MCC: variants seen among roughly 807,000 people sequenced by gnomAD.
MCC encodes MCC regulator of Wnt signaling pathway.
A neutral mutation model predicts 116.2 loss-of-function variants in MCC; 90 were observed. The observed-to-expected ratio is 0.77, with a 90% CI of 0.65 to 0.92. The LOEUF is 0.92. Ranked by LOEUF, MCC falls within the 40% of genes least tolerant of loss-of-function variation. The pLI is 0.00. For synonymous variants in MCC, 578 were observed against 510.5 expected, an observed-to-expected ratio of 1.13 and a Z score of -1.78; for missense variants, 1,516 against 1,312.2, an observed-to-expected ratio of 1.16 and a Z score of -2.40.
At chr5:113,376,032 G>A (rs1251750141) in intron 2 of MCC, among the ~76,000 whole-genome samples, 1 of 152,096 alleles carries the variant, frequency 6.6e-6, no homozygotes, top group African/African-American at 2.4e-5. Context: ...GTGTTCTGGT[G>A]TTTTCATTTC....
In MCC at chr5:113,286,253, T is replaced by C. The variant is rs535573564; in HGVS notation, c.627+54266A>G. 5.3e-5 allele frequency among the ~76,000 whole-genome samples: 8 copies of C among 152,326 alleles called. No homozygotes were observed. The East Asian group carries it at 1.5e-3, about 29-fold the overall frequency. ...GACTCTAAGAGTGCTGTGTGTTCTA[T>C]GGACAAGTTCACACAACCCACAGGA... On this transcript the variant is annotated intron_variant, in intron 3 of 18. Transcript: ENST00000408903.
chr5:113,116,310 T>C (rs1757389929), intron 6 of MCC, among the ~76,000 whole-genome samples: 2 of 152,214 alleles, frequency 1.3e-5, no homozygotes, highest in South Asian at 4.1e-4. Flanking sequence ...TTCACAATGA[T>C]GGCTGGGGAT....
At chr5:113,028,033 G>C (rs1750690738) in intron 18 of MCC, among the ~76,000 whole-genome samples, 1 of 152,150 alleles carries the variant, frequency 6.6e-6, no homozygotes, top group Non-Finnish European at 1.5e-5. Flanking sequence ...CCTTTGAACT[G>C]TTCCCACCAG....
chr5:113,289,188 G>C (rs575958196), intron 3 of MCC, among the ~76,000 whole-genome samples: 3 of 151,844 alleles, frequency 2.0e-5, no homozygotes, highest in African/African-American at 4.8e-5. Context: ...AAAATTAGCC[G>C]GGAGTGGTGG....
At position 113,059,192 on chromosome 5, in the gene MCC, T is replaced by C. The variant is rs567704349; in HGVS notation, c.2213+4792A>G. The stretch of plus-strand genomic sequence containing the variant: ...ATCTCAGTCCACAGATCTTACCCTG[T>C]TGGAAGCACAGAGCTTTAAAATGCT... On this transcript the variant is annotated intron_variant, in intron 14 of 18. Transcript: ENST00000408903. Among the ~76,000 whole-genome samples the C allele has an allele frequency of 7.9e-5, 12 of 152,076 alleles. No homozygotes were observed. The South Asian group carries it at 2.3e-3, about 29-fold the overall frequency.
chr5:113,385,922 A>T (rs1431760120), intron 1 of MCC, among the ~76,000 whole-genome samples: 1 of 152,194 alleles, frequency 6.6e-6, no homozygotes, highest in Non-Finnish European at 1.5e-5. Flanking sequence ...TGGCTGGACT[A>T]GAGAAGTGTA....
At position 113,129,339 on chromosome 5, in the gene MCC, A is replaced by G. The variant is rs568366746; in HGVS notation, c.885-6513T>C. 1.1e-4 allele frequency among the ~76,000 whole-genome samples: 16 copies of G among 152,356 alleles called. No homozygotes were observed. The South Asian group carries it at 3.3e-3, about 32-fold the overall frequency. On this transcript the variant is annotated intron_variant, in intron 5 of 18. Coordinates refer to ENST00000408903, the MANE Select transcript of MCC (RefSeq NM_001085377.2). ...GGTCAAATGCCATAGAAAGAGACCA[A>G]TGACAAAAAAAGTCACTGGATTTTT... is the stretch of plus-strand genomic sequence containing the variant.
intron 6 of MCC, among the ~76,000 whole-genome samples, chr5:113,109,744 T>C (rs974064977): frequency 3.9e-5 from 6 of 152,090 alleles, no homozygotes; most frequent in African/African-American, 1.2e-4. Context: ...CCTTCAAGAA[T>C]GGCAGCACAT....
In MCC at chr5:113,027,150, G is replaced by A. The variant is rs1319434985; in HGVS notation, c.*152C>T. Reference sequence around the variant, plus strand: ...ATGTCACCATGGCCAGTCGCCCCAAGGGTTGAGTTGGGGCACTCCATTGTC... The same window carrying A: ...ATGTCACCATGGCCAGTCGCCCCAAAGGTTGAGTTGGGGCACTCCATTGTC... On this transcript the variant is annotated 3_prime_UTR_variant, in exon 19 of 19. Coordinates refer to ENST00000408903, the MANE Select transcript of MCC (RefSeq NM_001085377.2). 16 of 714,780 alleles carry A rather than the reference G, an allele frequency of 2.2e-5. No homozygotes were observed. The highest frequency in any genetic ancestry group is 3.4e-5 in the Non-Finnish European group (15 of 437,954). The allele number at this position is 714,780 out of a possible 1,614,324, so 44.3% of individuals were successfully genotyped here.
At chr5:113,334,067 A>C (rs1767812628) in intron 3 of MCC, among the ~76,000 whole-genome samples, 1 of 147,590 alleles carries the variant, frequency 6.8e-6, no homozygotes, top group Non-Finnish European at 1.5e-5. Flanking sequence ...AGCTAATAAT[A>C]CTTTAAAAAC....
intron 3 of MCC, among the ~76,000 whole-genome samples, chr5:113,266,751 A>T (rs148572118): frequency 1.7e-4 from 26 of 152,230 alleles, no homozygotes; most frequent in Admixed American, 1.7e-3. Context: ...ATACAAAGTG[A>T]TCTTCAACAT....
In MCC at chr5:113,101,880, A is replaced by T. The variant is rs755093874; in HGVS notation, c.1257T>A (p.Ser419=). Residue 419 remains serine, a synonymous_variant, in exon 8 of 19, where the codon TCT becomes TCA. Coordinates refer to ENST00000408903, the MANE Select transcript of MCC (RefSeq NM_001085377.2). ...DLYPNLAEER[S]RWEKELAGLR... ...GCCCAGCCAGCTCCTTCTCCCACCG[A>T]GACCTCTCTTCAGCCAGGTTGGGAT... 1 of 1,613,972 alleles carries T rather than the reference A, an allele frequency of 6.2e-7. No homozygotes were observed. The highest frequency in any genetic ancestry group is 1.1e-5 in the South Asian group (1 of 91,068).
intron 8 of MCC, among the ~76,000 whole-genome samples, chr5:113,096,567 C>T (rs1411939825): frequency 1.3e-5 from 2 of 152,088 alleles, no homozygotes; most frequent in African/African-American, 4.8e-5. Flanking sequence ...GTTGAATATC[C>T]ACATGTTCCT....
chr5:113,057,040 A>G (rs1318250334), intron 14 of MCC, among the ~76,000 whole-genome samples: 2 of 152,064 alleles, frequency 1.3e-5, no homozygotes, highest in Non-Finnish European at 2.9e-5. Context: ...GACCTAAGGG[A>G]GGCGAGAGAG....
Position 113,046,710 on chromosome 5 carries a change from A to AAAAAAAAAAAAG in MCC, c.2655+2382_2655+2383insCTTTTTTTTTTT. ...CAAAAAAAAAAAAAAAAAAAAAAAAAAGAGAGAGATTTTGAAGGTGTTTGT... is the reference window on the plus strand; with the variant it reads ...CAAAAAAAAAAAAAAAAAAAAAAAAAAAAAAAAAAAAGAGAGAGAGATTTTGAAGGTGTTTGT... On this transcript the variant is annotated intron_variant, in intron 16 of 18. Coordinates refer to ENST00000408903, the MANE Select transcript of MCC (RefSeq NM_001085377.2). 1.7e-3 allele frequency among the ~76,000 whole-genome samples: 170 copies of AAAAAAAAAAAAG among 102,442 alleles called. 33 individuals are homozygous for AAAAAAAAAAAAG. The highest frequency in any genetic ancestry group is 2.6e-3 in the African/African-American group (65 of 25,078). 67.2% of individuals were successfully genotyped at this position (102,442 alleles called of 152,430 possible). A position where few individuals can be genotyped will look rare whatever the true frequency, so the allele number is the denominator to read the frequency against.
In MCC at chr5:113,159,453, C is replaced by G. The variant is rs544428202; in HGVS notation, c.628-8031G>C. On this transcript the variant is annotated intron_variant, in intron 3 of 18. Transcript: ENST00000408903. ...AATTTGAGAACATCTAGTCCAATTC[C>G]TTCATTGTAGAGAAATGAAACTGAG... is the stretch of plus-strand genomic sequence containing the variant. 7.9e-5 allele frequency among the ~76,000 whole-genome samples: 12 copies of G among 152,282 alleles called. No homozygotes were observed. In the East Asian group the frequency reaches 2.3e-3, roughly 29 times the overall value.
chr5:113,028,795 T>C (rs1033554696), intron 18 of MCC, 139 bp downstream of exon 18: 14 of 977,304 alleles, frequency 1.4e-5, no homozygotes, highest in Admixed American at 2.4e-5. Flanking sequence ...GAGAGCCAGG[T>C]AGGGACTCAC....
At chr5:113,038,938 G>A (rs1751499545) in intron 17 of MCC, among the ~76,000 whole-genome samples, 1 of 152,152 alleles carries the variant, frequency 6.6e-6, no homozygotes, top group Non-Finnish European at 1.5e-5. Context: ...AGACACAGAT[G>A]GCATATTCCA....
intron 1 of MCC, among the ~76,000 whole-genome samples, chr5:113,470,825 T>C (rs890600932): frequency 8.6e-5 from 13 of 151,910 alleles, no homozygotes; most frequent in Admixed American, 8.5e-4. Flanking sequence ...ACCAATCAGA[T>C]GTAGATTTGG....
Sources: gnomAD v4.1 joint callset for allele counts (sites outside exome capture counted in the v4.1 genomes callset) on GRCh38, gnomAD v4.1.1 for gene constraint, MANE v1.5 for transcripts, NCBI Gene and HGNC (gene_info 2026-07-23, HGNC 2026-07-21) for gene names.